Variants in FHIT observed in about 807,000 individuals in gnomAD.
FHIT encodes the protein bis(5'-adenosyl)-triphosphatase.
FHIT carries 19 observed loss-of-function variants against 17.9 expected under a neutral mutation model. The ratio of observed to expected loss-of-function variants is 1.06; its 90% CI spans 0.74 to 1.56. The LOEUF (loss-of-function observed/expected upper bound fraction) is 1.56, where lower values mean the gene tolerates loss of function less well. Among genes scored for constraint, FHIT ranks in the 40% most tolerant of loss-of-function variants. FHIT has a pLI of 0.00. For synonymous variants in FHIT, 81 were observed against 69.7 expected (o/e 1.16, Z -0.81); for missense variants, 248 against 189.2 (o/e 1.31, Z -1.82).
At chr3:60,680,543 T>C (rs1244096767) in intron 4 of FHIT, among the ~76,000 whole-genome samples, 1 of 140,074 alleles carries the variant, frequency 7.1e-6, no homozygotes, top group Non-Finnish European at 1.5e-5. Flanking sequence ...GTTTTTAAAA[T>C]CCAAATTTCA....
At chr3:60,623,918 A>G (rs925702640) in intron 4 of FHIT, among the ~76,000 whole-genome samples, 4 of 152,318 alleles carry the variant, frequency 2.6e-5, no homozygotes, top group African/African-American at 7.2e-5. Flanking sequence ...TCTCCTATGC[A>G]TCAGGCACTG....
intron 5 of FHIT, among the ~76,000 whole-genome samples, chr3:60,392,173 G>C (rs925844614): frequency 6.6e-6 from 1 of 152,012 alleles, no homozygotes; most frequent in Non-Finnish European, 1.5e-5. Context: ...TCTAGTTTGA[G>C]GCACTAAGAA....
intron 2 of FHIT, among the ~76,000 whole-genome samples, chr3:61,183,541 G>C (rs62268813): frequency 0.095 from 14,490 of 152,198 alleles, 738 homozygotes; most frequent in Non-Finnish European, 0.11. Flanking sequence ...GTTACAAACT[G>C]TGCAATCTTG....
rs144156250 is a variant in FHIT, at chr3:60,618,924, C to T, written c.-17-81945G>A. On this transcript the variant is annotated intron_variant, in intron 4 of 9. Transcript: ENST00000492590. ...GGGGGCCACAAAGAAAACTGAAAAG[C>T]CAATGAAACAGAATCTCCCCTAAAG... is the stretch of plus-strand genomic sequence containing the variant. 1.3e-3 allele frequency among the ~76,000 whole-genome samples: 197 copies of T among 152,140 alleles called. 1 individual carries two copies. The highest frequency in any genetic ancestry group is 4.6e-3 in the African/African-American group (189 of 41,490).
At chr3:60,547,569 T>C (rs969034814) in intron 4 of FHIT, among the ~76,000 whole-genome samples, 2 of 152,214 alleles carry the variant, frequency 1.3e-5, no homozygotes, top group Non-Finnish European at 2.9e-5. Flanking sequence ...TGAGTCTCCA[T>C]TTCCCACTTT....
Position 60,972,217 on chromosome 3 carries a change from A to C in FHIT, c.-111+69830T>G, listed in dbSNP as rs368880880. On this transcript the variant is annotated intron_variant, in intron 3 of 9. Coordinates refer to ENST00000492590, the MANE Select transcript of FHIT (RefSeq NM_002012.4). ...GCCCTCCTTCATTTACATGATTTCA[A>C]CTGGGACTATTTCCTCTGACTGAGG... Among the ~76,000 whole-genome samples the C allele has an allele frequency of 9.9e-5, 15 of 152,256 alleles. No individual in the cohort carries two copies. In the South Asian group the frequency reaches 2.3e-3, roughly 23 times the overall value.
intron 5 of FHIT, among the ~76,000 whole-genome samples, chr3:60,291,219 A>G (rs370662693): frequency 5.9e-5 from 9 of 152,110 alleles, no homozygotes; most frequent in African/African-American, 2.2e-4. Context: ...ACAGGGAAAT[A>G]CAGGGGGTTT....
Position 60,521,468 on chromosome 3 carries a change from C to T in FHIT, c.103+15392G>A, listed in dbSNP as rs1276409791. On this transcript the variant is annotated intron_variant, in intron 5 of 9. Transcript: ENST00000492590. ...TTCACCGTGTTAGCCAGGATGGTCT[C>T]GATCTGCTGACTTCGTGATCCGCCC... is the stretch of plus-strand genomic sequence containing the variant. Among the ~76,000 whole-genome samples, 14 of 152,184 alleles carry T rather than the reference C, an allele frequency of 9.2e-5. 1 individual carries two copies. In the East Asian group the frequency reaches 1.9e-3, roughly 21 times the overall value.
At chr3:59,873,089 C>T (rs960867851) in intron 8 of FHIT, among the ~76,000 whole-genome samples, 2 of 152,216 alleles carry the variant, frequency 1.3e-5, no homozygotes, top group African/African-American at 4.8e-5. Context: ...TTCCTTTCCA[C>T]CCACTTTGAG....
At chr3:60,906,069 T>G (rs182344733) in intron 3 of FHIT, among the ~76,000 whole-genome samples, 4 of 152,228 alleles carry the variant, frequency 2.6e-5, no homozygotes, top group Admixed American at 2.0e-4. Context: ...ATATATCACA[T>G]CAACGTAAAT....
chr3:59,788,966 G>A (rs1471605674), intron 8 of FHIT, among the ~76,000 whole-genome samples: 1 of 141,620 alleles, frequency 7.1e-6, no homozygotes, highest in East Asian at 2.2e-4. Context: ...ATGTTAAGAA[G>A]ATTATGCACA....
At chr3:61,009,529 A>T (rs1266404183) in intron 3 of FHIT, among the ~76,000 whole-genome samples, 3 of 152,158 alleles carry the variant, frequency 2.0e-5, no homozygotes, top group African/African-American at 7.2e-5. Context: ...TACAGATCAA[A>T]TTCATATACT....
chr3:60,957,012 G>A lies in FHIT; in HGVS notation c.-111+85035C>T, dbSNP rs538348630. Among the ~76,000 whole-genome samples the A allele has an allele frequency of 1.7e-4, 26 of 152,126 alleles. No individual in the cohort carries two copies. The East Asian group carries it at 5.0e-3, about 29-fold the overall frequency. On this transcript the variant is annotated intron_variant, in intron 3 of 9. Coordinates refer to ENST00000492590, the MANE Select transcript of FHIT (RefSeq NM_002012.4). ...CATGGTCAGGCAGTACTGCAACAAA[G>A]CCTGGATTATGCACTACTTTACACA...
In FHIT at chr3:59,897,453, T is replaced by G. The variant is rs116751168; in HGVS notation, c.348+24893A>C. Among the ~76,000 whole-genome samples, 59 of 152,290 alleles carry G rather than the reference T, an allele frequency of 3.9e-4. 1 individual carries two copies. The highest frequency in any genetic ancestry group is 7.2e-4 in the Non-Finnish European group (49 of 68,028). ...AACCATTTATCACATTCTATTACAA[T>G]CATTTTATGGTATGTTGGTCCTTCC... is the stretch of plus-strand genomic sequence containing the variant. On this transcript the variant is annotated intron_variant, in intron 8 of 9. Coordinates refer to ENST00000492590, the MANE Select transcript of FHIT (RefSeq NM_002012.4).
intron 3 of FHIT, among the ~76,000 whole-genome samples, chr3:61,034,973 T>C (rs1366512468): frequency 1.3e-5 from 2 of 152,164 alleles, no homozygotes; most frequent in Non-Finnish European, 2.9e-5. Flanking sequence ...AAGAAAGGAA[T>C]AAACTTCTGA....
chr3:61,127,869 G>GA (rs776513029), intron 2 of FHIT, among the ~76,000 whole-genome samples: 29 of 149,782 alleles, frequency 1.9e-4, no homozygotes, highest in Non-Finnish European at 3.3e-4. Flanking sequence ...GACTCTGTCT[G>GA]AAAAAAAAAG....
At chr3:60,580,823 G>A (rs2037726498) in intron 4 of FHIT, among the ~76,000 whole-genome samples, 1 of 152,074 alleles carries the variant, frequency 6.6e-6, no homozygotes, top group Admixed American at 6.6e-5. Context: ...GACGCTGGTG[G>A]GATGGAGTGC....
intron 3 of FHIT, among the ~76,000 whole-genome samples, chr3:61,019,868 CT>C (rs999963218): frequency 4.6e-5 from 7 of 151,392 alleles, no homozygotes; most frequent in East Asian, 3.9e-4. Context: ...ATGATTTTCT[CT>C]TTTTTTTTAA....
At chr3:61,248,305 C>T (rs1347074520) in intron 1 of FHIT, among the ~76,000 whole-genome samples, 1 of 150,014 alleles carries the variant, frequency 6.7e-6, no homozygotes, top group Admixed American at 6.7e-5. Flanking sequence ...GTTGGGAGAG[C>T]GTGGGGGTGG....
Sources: gnomAD v4.1 joint callset for allele counts (sites outside exome capture counted in the v4.1 genomes callset) on GRCh38, gnomAD v4.1.1 for gene constraint, MANE v1.5 for transcripts, NCBI Gene and HGNC (gene_info 2026-07-23, HGNC 2026-07-21) for gene names.